Variants in PLGRKT observed in about 807,000 individuals in gnomAD.
PLGRKT encodes plasminogen receptor (KT).
In PLGRKT, 22 loss-of-function variants were observed where a neutral mutation model predicts 18.5. That is an observed-to-expected ratio of 1.19 (90% confidence interval 0.85 to 1.70). The LOEUF (loss-of-function observed/expected upper bound fraction) is 1.70, where lower values mean the gene tolerates loss of function less well. Ranked by LOEUF, PLGRKT falls within the 40% of genes most tolerant of loss-of-function variation. PLGRKT has a pLI of 0.00. For synonymous variants in PLGRKT, 72 were observed against 52.8 expected (o/e 1.36, Z -1.58); for missense variants, 235 against 174.4 (o/e 1.35, Z -1.96).
Position 5,402,180 on chromosome 9 carries a change from GA to G in PLGRKT, c.81+29716del, listed in dbSNP as rs546731297. 7.7e-4 allele frequency among the ~76,000 whole-genome samples: 117 copies of G among 151,906 alleles called. 2 individuals carry two copies. The Middle Eastern group carries it at 0.014, about 18-fold the overall frequency. On this transcript the variant is annotated intron_variant, in intron 3 of 5. Coordinates refer to ENST00000223864, the MANE Select transcript of PLGRKT (RefSeq NM_018465.4). ...AGAAAATCATTTGTAACAAAACCACGAACATACTATTATTTTGTTTGATTAG... is the reference window on the plus strand; with the variant it reads ...AGAAAATCATTTGTAACAAAACCACGACATACTATTATTTTGTTTGATTAG...
intron 3 of PLGRKT, among the ~76,000 whole-genome samples, chr9:5,399,405 G>A (rs1818113585): frequency 6.6e-6 from 1 of 151,768 alleles, no homozygotes; most frequent in Admixed American, 6.6e-5. Flanking sequence ...TCTGTCTGAA[G>A]ATTACTTGTT....
intron 3 of PLGRKT, among the ~76,000 whole-genome samples, chr9:5,388,971 C>T (rs1264179541): frequency 2.6e-5 from 4 of 151,950 alleles, no homozygotes; most frequent in African/African-American, 7.3e-5. Flanking sequence ...AGGAAAATAC[C>T]TACAGTTGAT....
chr9:5,434,014 G>T (rs1340096318), intron 2 of PLGRKT, among the ~76,000 whole-genome samples: 2 of 138,104 alleles, frequency 1.4e-5, no homozygotes, highest in Non-Finnish European at 3.1e-5. Context: ...AGTGAGGAGC[G>T]CCTCTGCCCC....
At chr9:5,424,668 T>TTATATATATATATATATATATACATA (rs1818655538) in intron 3 of PLGRKT, among the ~76,000 whole-genome samples, 1 of 113,170 alleles carries the variant, frequency 8.8e-6, no homozygotes, top group African/African-American at 4.1e-5. Flanking sequence ...ATTATATATT[T>TTATATATATATATATATATATACATA]TATATATATA....
chr9:5,411,525 C>T (rs897756896), intron 3 of PLGRKT, among the ~76,000 whole-genome samples: 39 of 152,122 alleles, frequency 2.6e-4, no homozygotes, highest in Admixed American at 2.6e-3. Flanking sequence ...GTCACTTATC[C>T]ATGGTTACTG....
chr9:5,358,856 A>T (rs116118870), intron 5 of PLGRKT, among the ~76,000 whole-genome samples: 1 of 152,222 alleles, frequency 6.6e-6, no homozygotes, highest in African/African-American at 2.4e-5. Flanking sequence ...ATACATATAT[A>T]CACATCTTTA....
chr9:5,397,336 C>G (rs1344507737), intron 3 of PLGRKT, among the ~76,000 whole-genome samples: 1 of 151,904 alleles, frequency 6.6e-6, no homozygotes, highest in Non-Finnish European at 1.5e-5. Flanking sequence ...AAAGGCAGCT[C>G]TTCCCTGACC....
intron 3 of PLGRKT, among the ~76,000 whole-genome samples, chr9:5,408,099 T>A (rs1486325164): frequency 6.6e-6 from 1 of 152,242 alleles, no homozygotes; most frequent in Non-Finnish European, 1.5e-5. Flanking sequence ...AAAAAAGTTT[T>A]ATTTTAGATT....
intron 3 of PLGRKT, among the ~76,000 whole-genome samples, chr9:5,386,368 G>A (rs1342247875): frequency 6.6e-6 from 1 of 151,824 alleles, no homozygotes; most frequent in East Asian, 1.9e-4. Flanking sequence ...GCATGATTTT[G>A]CCTCCCAGGG....
intron 3 of PLGRKT, among the ~76,000 whole-genome samples, chr9:5,389,657 A>T (rs928098055): frequency 1.1e-4 from 16 of 151,862 alleles, no homozygotes; most frequent in Non-Finnish European, 2.4e-4. Context: ...TGCTTCGCAA[A>T]TGATTCACTG....
chr9:5,384,537 T>C (rs1391183458), intron 3 of PLGRKT, among the ~76,000 whole-genome samples: 1 of 152,098 alleles, frequency 6.6e-6, no homozygotes, highest in East Asian at 1.9e-4. Flanking sequence ...AAGTCAAAAT[T>C]TCATTTAAAA....
intron 2 of PLGRKT, among the ~76,000 whole-genome samples, chr9:5,434,987 G>A (rs950531467): frequency 1.3e-5 from 2 of 152,026 alleles, no homozygotes; most frequent in Non-Finnish European, 2.9e-5. Flanking sequence ...AAATTCTTCT[G>A]CCTTGGGATG....
intron 3 of PLGRKT, among the ~76,000 whole-genome samples, chr9:5,386,955 G>T (rs1817855638): frequency 6.6e-6 from 1 of 151,940 alleles, no homozygotes; most frequent in Non-Finnish European, 1.5e-5. Flanking sequence ...CATGTGGACA[G>T]CATGGAGTGA....
At chr9:5,423,740 C>T (rs1325377475) in intron 3 of PLGRKT, among the ~76,000 whole-genome samples, 1 of 150,698 alleles carries the variant, frequency 6.6e-6, no homozygotes, top group Non-Finnish European at 1.5e-5. Flanking sequence ...CTCACTCTGT[C>T]ACCCAGGTTG....
At chr9:5,404,060 C>A (rs1586729373) in intron 3 of PLGRKT, among the ~76,000 whole-genome samples, 1 of 152,156 alleles carries the variant, frequency 6.6e-6, no homozygotes, top group East Asian at 1.9e-4. Context: ...CACATACACC[C>A]TTCTCAAGAC....
At chr9:5,380,389 A>G (rs1817719150) in intron 3 of PLGRKT, among the ~76,000 whole-genome samples, 1 of 148,970 alleles carries the variant, frequency 6.7e-6, no homozygotes, top group Non-Finnish European at 1.5e-5. Context: ...AAAAAAAAAA[A>G]GAATAAAAAT....
At chr9:5,433,080 G>A (rs1415517709) in intron 2 of PLGRKT, among the ~76,000 whole-genome samples, 1 of 147,972 alleles carries the variant, frequency 6.8e-6, no homozygotes, top group Non-Finnish European at 1.5e-5. Context: ...CCCCGTCTGG[G>A]AGGAAGTGAG....
chr9:5,398,371 A>C (rs1818092759), intron 3 of PLGRKT, among the ~76,000 whole-genome samples: 1 of 151,960 alleles, frequency 6.6e-6, no homozygotes, highest in Non-Finnish European at 1.5e-5. Flanking sequence ...ACTGAACTAC[A>C]TAAAAACAAT....
At chr9:5,389,685 C>T (rs1586719379) in intron 3 of PLGRKT, among the ~76,000 whole-genome samples, 2 of 151,772 alleles carry the variant, frequency 1.3e-5, no homozygotes, top group East Asian at 1.9e-4. Context: ...TCAGAAGGGG[C>T]TGGGAATTTT....
Sources: allele counts gnomAD v4.1 joint callset (sites outside exome capture counted in the v4.1 genomes callset), GRCh38; gene constraint gnomAD v4.1.1; transcripts MANE v1.5; gene names NCBI Gene and HGNC (gene_info 2026-07-23, HGNC 2026-07-21).